RORA: variants seen among roughly 807,000 people sequenced by gnomAD.
The protein encoded by RORA is nuclear receptor ROR-alpha.
Under a neutral mutation model 69.5 loss-of-function variants are expected in RORA, and 7 were observed. The observed-to-expected ratio is 0.10, with a 90% confidence interval of 0.06 to 0.19. The LOEUF (loss-of-function observed/expected upper bound fraction) is 0.19, where lower values mean the gene tolerates loss of function less well. Among genes scored for constraint, RORA ranks in the 10% least tolerant of loss-of-function variants. The pLI, the probability that RORA is intolerant of heterozygous loss-of-function variation, is 1.00. For synonymous variants in RORA, 261 were observed against 240.8 expected (o/e 1.08, Z -0.78); for missense variants, 457 against 663.0 (o/e 0.69, Z 3.41).
chr15:60,880,629 C>T (rs935159029), intron 1 of RORA, among the ~76,000 whole-genome samples: 3 of 152,136 alleles, frequency 2.0e-5, no homozygotes, highest in Middle Eastern at 3.4e-3. Context: ...CAGAGAAAGA[C>T]TGTCAAAAAA....
intron 1 of RORA, among the ~76,000 whole-genome samples, chr15:60,783,287 G>C (rs941799265): frequency 1.3e-5 from 2 of 151,886 alleles, no homozygotes; most frequent in Non-Finnish European, 2.9e-5. Context: ...TGTACTAGGA[G>C]GCCCTTAAAA....
Position 61,213,817 on chromosome 15 carries a change from C to T in RORA, c.166+15236G>A, listed in dbSNP as rs958635706. 3.9e-5 allele frequency: 6 copies of T among 152,168 alleles called. No individual in the cohort carries two copies. The South Asian group carries it at 6.2e-4, about 16-fold the overall frequency. The allele number at this position is 152,168 out of a possible 1,614,324, so 9.4% of individuals were successfully genotyped here. On this transcript the variant is annotated intron_variant, in intron 1 of 10. Transcript: ENST00000335670. The surrounding 1 kb of genome is among the most constrained non-coding windows in gnomAD (Gnocchi z 4.1). ...TTCCATTGACTAACATGGGACCTGA[C>T]ACATAGTAAGTGCACAAGAATATTT...
At chr15:61,219,908 G>T (rs922679815) in intron 1 of RORA, among the ~76,000 whole-genome samples, 1 of 152,184 alleles carries the variant, frequency 6.6e-6, no homozygotes, top group African/African-American at 2.4e-5. Context: ...GGGTTCAAGA[G>T]CCCTTTCAGT....
chr15:60,704,527 A>G (rs1465080336), intron 1 of RORA, among the ~76,000 whole-genome samples: 1 of 152,210 alleles, frequency 6.6e-6, no homozygotes, highest in Non-Finnish European at 1.5e-5. Context: ...TCTTGCCCCT[A>G]CTGTTCACAG....
chr15:61,008,870 T>C (rs1228971812), intron 1 of RORA, among the ~76,000 whole-genome samples: 2 of 152,190 alleles, frequency 1.3e-5, no homozygotes, highest in Admixed American at 1.3e-4. Flanking sequence ...TCTTCCTCTC[T>C]GCTGACTCTG....
intron 1 of RORA, among the ~76,000 whole-genome samples, chr15:61,168,083 T>G (rs1341905898): frequency 1.3e-5 from 2 of 151,718 alleles, no homozygotes; most frequent in African/African-American, 4.8e-5. Flanking sequence ...TGAGTGTTGT[T>G]TCCTGTAGAA....
rs1251831875 is a variant in RORA at position 61,128,718 on chromosome 15, G to A, written c.166+100335C>T. 1.3e-5 allele frequency among the ~76,000 whole-genome samples: 2 copies of A among 152,186 alleles called. No individual in the cohort carries two copies. Among genetic ancestry groups the A allele is most frequent in the Non-Finnish European group, 2.9e-5 (2 of 68,032 alleles). Reference sequence around the variant, plus strand: ...TGTCAGGGAAGGGGAAATAACTCCTGAATTTCCTCCAGGGGAGTAAAAGCA... The same window carrying A: ...TGTCAGGGAAGGGGAAATAACTCCTAAATTTCCTCCAGGGGAGTAAAAGCA... On this transcript the variant is annotated intron_variant, in intron 1 of 10. Transcript: ENST00000335670. This position sits in a 1 kb window ranked among gnomAD's most constrained non-coding sequence, Gnocchi z 4.5.
At chr15:60,910,585 C>T (rs529696845) in intron 1 of RORA, among the ~76,000 whole-genome samples, 3 of 152,228 alleles carry the variant, frequency 2.0e-5, no homozygotes, top group African/African-American at 7.2e-5. Flanking sequence ...TTGGGGGTCC[C>T]GTTTTAGACA....
intron 1 of RORA, among the ~76,000 whole-genome samples, chr15:61,161,479 T>A (rs954768586): frequency 6.6e-6 from 1 of 152,138 alleles, no homozygotes; most frequent in Non-Finnish European, 1.5e-5. Flanking sequence ...ATAAGTAACA[T>A]CTATCTCACA....
chr15:61,227,316 G>A (rs1215506856), intron 1 of RORA, among the ~76,000 whole-genome samples: 2 of 151,596 alleles, frequency 1.3e-5, no homozygotes, highest in Non-Finnish European at 2.9e-5. Context: ...CCGTCTCAGG[G>A]TCTAAATATA....
intron 2 of RORA, among the ~76,000 whole-genome samples, chr15:60,641,283 T>C (rs2140675057): frequency 6.6e-6 from 1 of 152,204 alleles, no homozygotes; most frequent in South Asian, 2.1e-4. Flanking sequence ...TGAGTAAACC[T>C]AGAACAATGC....
At chr15:60,869,945 CAAG>C (rs1310113630) in intron 1 of RORA, among the ~76,000 whole-genome samples, 4 of 152,160 alleles carry the variant, frequency 2.6e-5, no homozygotes, top group Admixed American at 6.5e-5. Context: ...ATAATAAGAT[CAAG>C]AAGAAGTGAC....
chr15:60,724,619 A>C (rs967552247), intron 1 of RORA, among the ~76,000 whole-genome samples: 1 of 152,192 alleles, frequency 6.6e-6, no homozygotes, highest in Non-Finnish European at 1.5e-5. Context: ...AACTTCTTGA[A>C]TATTGGCCCC....
intron 2 of RORA, among the ~76,000 whole-genome samples, chr15:60,599,730 G>C (rs2068773308): frequency 6.6e-6 from 1 of 152,160 alleles, no homozygotes; most frequent in South Asian, 2.1e-4. Context: ...CAGTGCCCAG[G>C]ACAGAGCTCT....
At chr15:60,828,768 C>T (rs1372307608) in intron 1 of RORA, among the ~76,000 whole-genome samples, 1 of 152,208 alleles carries the variant, frequency 6.6e-6, no homozygotes, top group African/African-American at 2.4e-5. Context: ...TCTCTTCTTC[C>T]TGATTCCCAT....
At chr15:60,763,169 C>T (rs781300632) in intron 1 of RORA, among the ~76,000 whole-genome samples, 12 of 138,168 alleles carry the variant, frequency 8.7e-5, no homozygotes, top group Non-Finnish European at 1.8e-4. Context: ...AGATATTTTC[C>T]CAAAACGTTC....
At chr15:60,840,087 A>T (rs2073175976) in intron 1 of RORA, among the ~76,000 whole-genome samples, 1 of 152,108 alleles carries the variant, frequency 6.6e-6, no homozygotes, top group Non-Finnish European at 1.5e-5. Flanking sequence ...AGTGTGTAGA[A>T]TTGGGCCTAA....
At chr15:61,188,122 C>A (rs534234456) in intron 1 of RORA, among the ~76,000 whole-genome samples, 1 of 152,284 alleles carries the variant, frequency 6.6e-6, no homozygotes, top group South Asian at 2.1e-4. Context: ...TGACCCAACC[C>A]CAAGCTGTCT....
intron 1 of RORA, among the ~76,000 whole-genome samples, chr15:60,711,658 T>G (rs2071145823): frequency 6.6e-6 from 1 of 152,178 alleles, no homozygotes. Flanking sequence ...GGCTAATAAA[T>G]TCGATTGCAT....
Sources: allele counts gnomAD v4.1 joint callset (sites outside exome capture counted in the v4.1 genomes callset), GRCh38; gene constraint gnomAD v4.1.1; non-coding constraint Gnocchi (gnomAD v3.1); transcripts MANE v1.5; gene names NCBI Gene and HGNC (gene_info 2026-07-23, HGNC 2026-07-21).